Variants in KIRREL3 observed in about 807,000 individuals in gnomAD.
The protein encoded by KIRREL3 is kin of IRRE-like protein 3.
In KIRREL3, 36 loss-of-function variants were observed where a neutral mutation model predicts 89.7. The ratio of observed to expected loss-of-function variants is 0.40; its 90% CI spans 0.31 to 0.53. The LOEUF (loss-of-function observed/expected upper bound fraction) is 0.53, where lower values mean the gene tolerates loss of function less well. KIRREL3 is among the 20% of genes least tolerant of loss of function. The probability of loss-of-function intolerance (pLI) is 0.49; values close to 1 mark genes in which losing one functional copy is unlikely to be tolerated. For missense variants in KIRREL3, 864 were observed against 1,056.6 expected (o/e 0.82, Z 2.53); for synonymous variants, 445 against 441.4 (o/e 1.01, Z -0.10).
In KIRREL3 at chr11:126,981,499, G is replaced by A. The variant is rs915204662; in HGVS notation, c.55+18956C>T. On this transcript the variant is annotated intron_variant, in intron 1 of 16. Coordinates refer to ENST00000525144, the MANE Select transcript of KIRREL3 (RefSeq NM_032531.4). The surrounding 1 kb of genome is among the most constrained non-coding windows in gnomAD (Gnocchi z 4.2). ...GTCCAGTACCTTCCTAAGTCACTAA[G>A]GAAGAGCTAAACACATGGTCCCTGT... is the stretch of plus-strand genomic sequence containing the variant. Among the ~76,000 whole-genome samples, 1 of 152,188 alleles carries A rather than the reference G, an allele frequency of 6.6e-6. No homozygotes were observed. Among genetic ancestry groups the A allele is most frequent in the Non-Finnish European group, 1.5e-5 (1 of 68,034 alleles).
intron 1 of KIRREL3, among the ~76,000 whole-genome samples, chr11:126,659,720 C>T (rs868554178): frequency 1.3e-5 from 2 of 152,236 alleles, no homozygotes; most frequent in Non-Finnish European, 2.9e-5. Flanking sequence ...AGGATGCCTT[C>T]CACGGGCTGA....
Position 126,904,413 on chromosome 11 carries a change from C to G in KIRREL3, c.55+96042G>C, listed in dbSNP as rs919483780. Among the ~76,000 whole-genome samples, 1 of 152,162 alleles carries G rather than the reference C, an allele frequency of 6.6e-6. No individual in the cohort carries two copies. Among genetic ancestry groups the G allele is most frequent in the Non-Finnish European group, 1.5e-5 (1 of 68,038 alleles). On this transcript the variant is annotated intron_variant, in intron 1 of 16. Coordinates refer to ENST00000525144, the MANE Select transcript of KIRREL3 (RefSeq NM_032531.4). The surrounding 1 kb of genome is among the most constrained non-coding windows in gnomAD (Gnocchi z 4.4). ...TCTCTGACTGCAATAAGACTGATCA[C>G]TAGTGGGGATAGTGCAACTGATAAA...
chr11:126,724,158 C>T lies in KIRREL3; in HGVS notation c.56-161246G>A, dbSNP rs1948285507. 6.6e-6 allele frequency among the ~76,000 whole-genome samples: 1 copy of T among 152,184 alleles called. No homozygotes were observed. The highest frequency in any genetic ancestry group is 6.5e-5 in the Admixed American group (1 of 15,284). Reference sequence around the variant, plus strand: ...AACTGTTCCCACTTGACTTAAGAGACAATGTGGGGAAGAACATCACCCCCA... The same window carrying T: ...AACTGTTCCCACTTGACTTAAGAGATAATGTGGGGAAGAACATCACCCCCA... On this transcript the variant is annotated intron_variant, in intron 1 of 16. Coordinates refer to ENST00000525144, the MANE Select transcript of KIRREL3 (RefSeq NM_032531.4). This position sits in a 1 kb window ranked among gnomAD's most constrained non-coding sequence, Gnocchi z 4.3.
chr11:126,898,554 T>G lies in KIRREL3; in HGVS notation c.55+101901A>C, dbSNP rs1946254239. Reference sequence around the variant, plus strand: ...GCAGATACCTAACAATACGAACAATTCCTAAAAGCAGCGTTAGTTGAAAGC... The same window carrying G: ...GCAGATACCTAACAATACGAACAATGCCTAAAAGCAGCGTTAGTTGAAAGC... On this transcript the variant is annotated intron_variant, in intron 1 of 16. Transcript: ENST00000525144. The surrounding 1 kb of genome is among the most constrained non-coding windows in gnomAD (Gnocchi z 4.9). Among the ~76,000 whole-genome samples, 2 of 152,260 alleles carry G rather than the reference T, an allele frequency of 1.3e-5. No individual in the cohort carries two copies. Among genetic ancestry groups the G allele is most frequent in the Non-Finnish European group, 2.9e-5 (2 of 68,014 alleles).
At chr11:126,713,147 G>A (rs1003954822) in intron 1 of KIRREL3, among the ~76,000 whole-genome samples, 3 of 152,224 alleles carry the variant, frequency 2.0e-5, no homozygotes, top group Admixed American at 6.5e-5. Flanking sequence ...AACCAAGAGC[G>A]GAGGAGTTGG....
chr11:126,546,171 C>T (rs1424753022), intron 2 of KIRREL3, among the ~76,000 whole-genome samples: 2 of 152,176 alleles, frequency 1.3e-5, no homozygotes, highest in Admixed American at 6.5e-5. Flanking sequence ...TGAATGTATC[C>T]ATGAATAATA....
At position 126,796,182 on chromosome 11, in the gene KIRREL3, G is replaced by C. The variant is rs997459507; in HGVS notation, c.55+204273C>G. Among the ~76,000 whole-genome samples, 22 of 150,466 alleles carry C rather than the reference G, an allele frequency of 1.5e-4. No individual in the cohort carries two copies. The highest frequency in any genetic ancestry group is 4.6e-4 in the African/African-American group (19 of 40,926). On this transcript the variant is annotated intron_variant, in intron 1 of 16. Coordinates refer to ENST00000525144, the MANE Select transcript of KIRREL3 (RefSeq NM_032531.4). The surrounding 1 kb of genome is among the most constrained non-coding windows in gnomAD (Gnocchi z 5.1). ...CAGTCTCTAGAGGTCATGAAGGGAAGAAGGGGTTAAAAAAAAAAAAGGCAA... is the reference window on the plus strand; with the variant it reads ...CAGTCTCTAGAGGTCATGAAGGGAACAAGGGGTTAAAAAAAAAAAAGGCAA...
At chr11:126,961,825 C>T (rs967303037) in intron 1 of KIRREL3, among the ~76,000 whole-genome samples, 4 of 152,230 alleles carry the variant, frequency 2.6e-5, no homozygotes, top group African/African-American at 9.6e-5. Context: ...CTGTCCCTCT[C>T]ATTATGGACT....
rs555184871 is a variant in KIRREL3 at position 126,528,274 on chromosome 11, A to G, written c.134-1587T>C. Among the ~76,000 whole-genome samples, 2 of 152,346 alleles carry G rather than the reference A, an allele frequency of 1.3e-5. No individual in the cohort carries two copies. Among genetic ancestry groups the G allele is most frequent in the East Asian group, 1.9e-4 (1 of 5,174 alleles). ...AGGGGCAGCCACAGACGTCCTGGAC[A>G]CTGGCTGCTGCCCATCTTGGGGACA... On this transcript the variant is annotated intron_variant, in intron 2 of 16. Coordinates refer to ENST00000525144, the MANE Select transcript of KIRREL3 (RefSeq NM_032531.4). This position sits in a 1 kb window ranked among gnomAD's most constrained non-coding sequence, Gnocchi z 4.6.
At chr11:126,942,258 G>A (rs1253974980) in intron 1 of KIRREL3, among the ~76,000 whole-genome samples, 1 of 152,164 alleles carries the variant, frequency 6.6e-6, no homozygotes, top group South Asian at 2.1e-4. Flanking sequence ...ATATAGTTGA[G>A]TAAGAATTAA....
chr11:126,966,027 C>A (rs1013702970), intron 1 of KIRREL3, among the ~76,000 whole-genome samples: 2 of 152,122 alleles, frequency 1.3e-5, no homozygotes, highest in East Asian at 1.9e-4. Context: ...GAAAAGGAAA[C>A]AATTTGACTT....
chr11:126,644,102 G>A (rs1256552746), intron 1 of KIRREL3, among the ~76,000 whole-genome samples: 1 of 152,184 alleles, frequency 6.6e-6, no homozygotes, highest in Non-Finnish European at 1.5e-5. Context: ...ATGGCTGAAA[G>A]TGTGGGAAAG....
intron 1 of KIRREL3, among the ~76,000 whole-genome samples, chr11:126,767,894 C>G (rs1464342651): frequency 6.6e-6 from 1 of 152,128 alleles, no homozygotes; most frequent in African/African-American, 2.4e-5. Flanking sequence ...TTGTCAGAAG[C>G]CAGTGCAAGG....
chr11:126,845,118 A>T (rs1168767159), intron 1 of KIRREL3, among the ~76,000 whole-genome samples: 1 of 152,184 alleles, frequency 6.6e-6, no homozygotes, highest in Non-Finnish European at 1.5e-5. Flanking sequence ...GGGCCTTACA[A>T]GTTTGATATT....
intron 1 of KIRREL3, among the ~76,000 whole-genome samples, chr11:126,836,851 A>G (rs1943798558): frequency 6.6e-6 from 1 of 152,196 alleles, no homozygotes; most frequent in African/African-American, 2.4e-5. Context: ...AGATGTTCGC[A>G]TGACATCCTG....
chr11:126,680,440 G>A (rs1946402679), intron 1 of KIRREL3, among the ~76,000 whole-genome samples: 1 of 149,742 alleles, frequency 6.7e-6, no homozygotes, highest in African/African-American at 2.5e-5. Flanking sequence ...GCCAACAGAG[G>A]GACTTGGCCA....
rs894323220 is a variant in KIRREL3, at chr11:126,987,024, G to C, written c.55+13431C>G. On this transcript the variant is annotated intron_variant, in intron 1 of 16. Coordinates refer to ENST00000525144, the MANE Select transcript of KIRREL3 (RefSeq NM_032531.4). This position sits in a 1 kb window ranked among gnomAD's most constrained non-coding sequence, Gnocchi z 4.6. Reference sequence around the variant, plus strand: ...CCTTCTGATGTAGAAGGTCTGGACTGGGGTCCAAAAATGGGGATTTCTAAC... The same window carrying C: ...CCTTCTGATGTAGAAGGTCTGGACTCGGGTCCAAAAATGGGGATTTCTAAC... 5.3e-5 allele frequency among the ~76,000 whole-genome samples: 8 copies of C among 152,102 alleles called. No individual in the cohort carries two copies. The highest frequency in any genetic ancestry group is 2.6e-4 in the Admixed American group (4 of 15,282).
intron 1 of KIRREL3, among the ~76,000 whole-genome samples, chr11:126,792,383 G>C (rs749623464): frequency 6.6e-6 from 1 of 152,204 alleles, no homozygotes; most frequent in Non-Finnish European, 1.5e-5. Flanking sequence ...AGAAAATGGT[G>C]ATGCAGAGAA....
At chr11:126,512,883 ACACTT>A (rs952034143) in intron 4 of KIRREL3, among the ~76,000 whole-genome samples, 1 of 152,196 alleles carries the variant, frequency 6.6e-6, no homozygotes, top group Non-Finnish European at 1.5e-5. Flanking sequence ...AGTGGGTTTA[ACACTT>A]CATCTCTCCT....
Sources: allele counts gnomAD v4.1 joint callset (sites outside exome capture counted in the v4.1 genomes callset), GRCh38; gene constraint gnomAD v4.1.1; non-coding constraint Gnocchi (gnomAD v3.1); transcripts MANE v1.5; gene names NCBI Gene and HGNC (gene_info 2026-07-23, HGNC 2026-07-21).